The following SMARCA1 variants were observed in gnomAD, a reference collection of about 807,000 sequenced individuals.
The protein encoded by SMARCA1 is SWI/SNF-related matrix-associated actin-dependent regulator of chromatin subfamily A member 1.
A neutral mutation model predicts 93.6 loss-of-function variants in SMARCA1; 17 were observed. That is an observed-to-expected ratio of 0.18 (90% CI 0.12 to 0.27). SMARCA1 has a LOEUF of 0.27. Ranked by LOEUF, SMARCA1 falls within the 10% of genes least tolerant of loss-of-function variation. The probability of loss-of-function intolerance (pLI) is 1.00; values close to 1 mark genes in which losing one functional copy is unlikely to be tolerated. For missense variants in SMARCA1, 630 were observed against 819.0 expected, an observed-to-expected ratio of 0.77 and a Z score of 2.82; for synonymous variants, 271 against 271.4, an observed-to-expected ratio of 1.00 and a Z score of 0.01.
intron 23 of SMARCA1, among the ~76,000 whole-genome samples, chrX:129,457,130 C>A (rs1932667071): frequency 8.9e-6 from 1 of 112,363 alleles, no homozygotes; most frequent in African/African-American, 3.2e-5. Flanking sequence ...AGCAGCAATT[C>A]ACACTGAGGC....
intron 23 of SMARCA1, among the ~76,000 whole-genome samples, chrX:129,458,616 GA>G (rs1187343490): frequency 8.9e-6 from 1 of 112,177 alleles, no homozygotes; most frequent in Non-Finnish European, 1.9e-5. Flanking sequence ...AAAAGGCAGA[GA>G]AAGCATCAGT....
At chrX:129,504,570 A>C (rs1410600184) in intron 9 of SMARCA1, among the ~76,000 whole-genome samples, 164 bp downstream of exon 9, 7 of 96,538 alleles carry the variant, frequency 7.3e-5, no homozygotes, top group East Asian at 7.5e-4. Context: ...AAAAAAAAAA[A>C]AAAAAAAAAA....
At chrX:129,474,449 CATAAA>C (rs1933281746) in intron 19 of SMARCA1, among the ~76,000 whole-genome samples, 1 of 111,403 alleles carries the variant, frequency 9.0e-6, no homozygotes, top group Admixed American at 9.5e-5. Flanking sequence ...AATATACCCA[CATAAA>C]ATAAAATAAA....
intron 6 of SMARCA1, 36 bp from the exon 7 acceptor site, chrX:129,508,132 T>A: frequency 2.5e-6 from 2 of 805,630 alleles, no homozygotes; most frequent in Non-Finnish European, 3.5e-6. Flanking sequence ...TTAGAATATA[T>A]TTATATTAGA....
chrX:129,509,118 C>T (rs995636502), intron 6 of SMARCA1, among the ~76,000 whole-genome samples: 2 of 106,315 alleles, frequency 1.9e-5, no homozygotes, highest in Non-Finnish European at 3.9e-5. Flanking sequence ...ACCCAGGAGG[C>T]GGGGAGGCTG....
At chrX:129,451,945 C>T (rs1932327505) in intron 23 of SMARCA1, among the ~76,000 whole-genome samples, 2 of 111,653 alleles carry the variant, frequency 1.8e-5, no homozygotes, top group Admixed American at 9.5e-5. Context: ...TCTTGTGATC[C>T]ACCCACCTTG....
chrX:129,488,286 CAAAAAAA>C (rs34476497), intron 16 of SMARCA1, among the ~76,000 whole-genome samples: 2 of 46,700 alleles, frequency 4.3e-5, no homozygotes, highest in Admixed American at 2.7e-4. Context: ...TAGTCCAGTG[CAAAAAAA>C]AAAAAAAAAA....
At chrX:129,470,761 C>T (rs780834073) in intron 20 of SMARCA1, among the ~76,000 whole-genome samples, 2 of 110,770 alleles carry the variant, frequency 1.8e-5, no homozygotes, top group Non-Finnish European at 3.8e-5. Flanking sequence ...CCCAGCTACT[C>T]GGGAGGCTTG....
rs775717002 is a variant in SMARCA1, at chrX:129,523,316, C to T, written c.55G>A (p.Ala19Thr). The T allele has an allele frequency of 8.3e-7, 1 of 1,202,415 alleles. No homozygotes were observed. The highest frequency in any genetic ancestry group is 3.0e-5 in the East Asian group (1 of 33,559). ...TCGTCCTCTATGACCACGATAGTGG[C>T]GGTCGCATCCGCGGCTGCCACGGTG... ...AATVAAADATATIVVIEDEQP... is the reference protein window; with the variant it reads ...AATVAAADATTTIVVIEDEQP... The change falls in exon 1 of 25, where the codon GCC becomes ACC. Residue 19 changes from alanine (A) to threonine (T), a missense_variant. Transcript: ENST00000371121.
rs1556313747 is a variant in SMARCA1 at position 129,504,569 on chromosome X, A to AAAAC, written c.1167+164_1167+165insGTTT. 6.1e-3 allele frequency among the ~76,000 whole-genome samples: 603 copies of AAAAC among 98,365 alleles called. 18 individuals are homozygous for AAAAC. Among genetic ancestry groups the AAAAC allele is most frequent in the African/African-American group, 0.024 (581 of 24,214 alleles). The allele number at this position is 98,365 out of a possible 115,157, so 85.4% of individuals were successfully genotyped here. ...AGGAATAAAAAAAAAAAAAAAAAAA[A>AAAAC]AAAAAAAAAAAACAAAGAGGCTGTC... On this transcript the variant is annotated intron_variant, in intron 9 of 24. Transcript: ENST00000371121.
At chrX:129,493,786 CT>C (rs1431201116) in intron 12 of SMARCA1, among the ~76,000 whole-genome samples, 1 of 111,998 alleles carries the variant, frequency 8.9e-6, no homozygotes, top group Non-Finnish European at 1.9e-5. Flanking sequence ...ATGTTAGTTC[CT>C]TTCCCTATAA....
At chrX:129,480,604 C>G in intron 19 of SMARCA1, 97 bp downstream of exon 19, 1 of 337,031 alleles carries the variant, frequency 3.0e-6, no homozygotes, top group Non-Finnish European at 4.9e-6. Flanking sequence ...CTGTCACATT[C>G]TCTCAAATTA....
chrX:129,496,694 A>G, intron 12 of SMARCA1, 56 bp downstream of exon 12: 3 of 1,118,646 alleles, frequency 2.7e-6, no homozygotes, highest in Non-Finnish European at 2.4e-6. Context: ...ATGTTGATAT[A>G]CATTGCTTAA....
intron 17 of SMARCA1, among the ~76,000 whole-genome samples, chrX:129,482,343 T>TA (rs1263778678): frequency 9.1e-6 from 1 of 109,890 alleles, no homozygotes; most frequent in Non-Finnish European, 1.9e-5. Flanking sequence ...TAAAAAAATT[T>TA]AAAAAAGAAG....
intron 16 of SMARCA1, among the ~76,000 whole-genome samples, chrX:129,488,057 A>G (rs1350411694): frequency 9.0e-6 from 1 of 111,103 alleles, no homozygotes; most frequent in African/African-American, 3.3e-5. Context: ...GATGGTTGTT[A>G]GAAACAGGTG....
chrX:129,465,810 C>A, intron 22 of SMARCA1, 34 bp downstream of exon 22: 1 of 1,056,543 alleles, frequency 9.5e-7, no homozygotes, highest in Non-Finnish European at 1.3e-6. Flanking sequence ...TCAATTAAAA[C>A]GATCTAATAA....
chrX:129,497,158 G>A (rs994021764), intron 11 of SMARCA1, among the ~76,000 whole-genome samples: 1 of 110,899 alleles, frequency 9.0e-6, no homozygotes. Context: ...AAGGATGAAT[G>A]ATGGGTCCAC....
At chrX:129,463,641 A>G (rs891012259) in intron 23 of SMARCA1, among the ~76,000 whole-genome samples, 6 of 111,597 alleles carry the variant, frequency 5.4e-5, no homozygotes, top group Admixed American at 1.9e-4. Context: ...ATTTATCCCT[A>G]TTAAATGTCA....
intron 9 of SMARCA1, among the ~76,000 whole-genome samples, chrX:129,504,247 C>T (rs1449395164): frequency 8.9e-6 from 1 of 112,119 alleles, no homozygotes; most frequent in East Asian, 2.8e-4. Context: ...CACTGCACTC[C>T]AGCCTGGCAT....
Sources: allele counts gnomAD v4.1 joint callset (sites outside exome capture counted in the v4.1 genomes callset), GRCh38; gene constraint gnomAD v4.1.1; transcripts MANE v1.5; gene names NCBI Gene and HGNC (gene_info 2026-07-23, HGNC 2026-07-21).